SLC46A3: variants seen among roughly 807,000 people sequenced by gnomAD.
SLC46A3 encodes lysosomal proton-coupled steroid conjugate and bile acid symporter SLC46A3.
A neutral mutation model predicts 38.5 loss-of-function variants in SLC46A3; 26 were observed. The observed-to-expected ratio is 0.68, with a 90% confidence interval of 0.49 to 0.94. The LOEUF is 0.94. Among genes scored for constraint, SLC46A3 ranks in the 40% least tolerant of loss-of-function variants. The probability of loss-of-function intolerance (pLI) is 0.00; values close to 1 mark genes in which losing one functional copy is unlikely to be tolerated. For missense variants in SLC46A3, 510 were observed against 544.3 expected, an observed-to-expected ratio of 0.94 and a Z score of 0.63; for synonymous variants, 185 against 192.5, an observed-to-expected ratio of 0.96 and a Z score of 0.32.
intron 4 of SLC46A3, chr13:28,704,314 T>G: frequency 2.0e-6 from 1 of 494,120 alleles, no homozygotes; most frequent in Non-Finnish European, 3.6e-6. Context: ...TCCTTGGACT[T>G]GATGTGAGAG....
intron 3 of SLC46A3, among the ~76,000 whole-genome samples, chr13:28,712,475 A>G (rs1885369414): frequency 6.6e-6 from 1 of 152,198 alleles, no homozygotes; most frequent in South Asian, 2.1e-4. Flanking sequence ...CATTTGGGAA[A>G]TTGTGGTTAT....
At chr13:28,704,411 G>A (rs923937720) in intron 4 of SLC46A3, 8 of 220,906 alleles carry the variant, frequency 3.6e-5, no homozygotes, top group Non-Finnish European at 6.3e-5. Context: ...ATAACTGCAT[G>A]TCTCTCCTCT....
chr13:28,708,787 A>G (rs745771137), intron 4 of SLC46A3, among the ~76,000 whole-genome samples: 10 of 151,492 alleles, frequency 6.6e-5, no homozygotes, highest in Non-Finnish European at 1.3e-4. Context: ...GTCCTTTGAA[A>G]CATAAAAATT....
At chr13:28,708,162 T>C (rs866095233) in intron 4 of SLC46A3, among the ~76,000 whole-genome samples, 63 of 152,328 alleles carry the variant, frequency 4.1e-4, no homozygotes, top group African/African-American at 1.5e-3. Context: ...TGTGGACATA[T>C]GCTTTCACTT....
Position 28,713,039 on chromosome 13 carries a change from C to T in SLC46A3, c.701G>A (p.Cys234Tyr), listed in dbSNP as rs369472886. 25 of 1,612,074 alleles carry T rather than the reference C, an allele frequency of 1.6e-5. No individual in the cohort carries two copies. The African/African-American group carries it at 2.8e-4, about 18-fold the overall frequency. Residue 234 changes from cysteine to tyrosine, a missense_variant, in exon 3 of 6, where the codon TGT (cysteine) becomes TAT (tyrosine). Transcript: ENST00000266943. Reference protein sequence around the residue: ...ECSSQNVTMSCSEGFKNLFYR... With the variant: ...ECSSQNVTMSYSEGFKNLFYR... ...AAATAGGTTTTTGAAGCCTTCACTA[C>T]ATGACATAGTAACATTCTGAGATGA...
chr13:28,712,053 A>C (rs952352083), intron 3 of SLC46A3, among the ~76,000 whole-genome samples: 8 of 152,218 alleles, frequency 5.3e-5, no homozygotes, highest in African/African-American at 1.7e-4. Flanking sequence ...CTTTTATTAG[A>C]GAAAAGAGTA....
At chr13:28,715,431 T>C (rs1451187087) in intron 2 of SLC46A3, among the ~76,000 whole-genome samples, 6 of 152,170 alleles carry the variant, frequency 3.9e-5, no homozygotes, top group Non-Finnish European at 2.9e-5. Flanking sequence ...CTTCCCTCAG[T>C]CCAAGAGGGC....
intron 2 of SLC46A3, among the ~76,000 whole-genome samples, chr13:28,717,063 T>A (rs1360644465): frequency 1.3e-5 from 2 of 152,054 alleles, no homozygotes; most frequent in Non-Finnish European, 2.9e-5. Context: ...TGTCAAAAAC[T>A]GCCCAAGGGA....
intron 5 of SLC46A3, among the ~76,000 whole-genome samples, chr13:28,703,132 A>G (rs1015966526): frequency 6.6e-6 from 1 of 152,214 alleles, no homozygotes; most frequent in Non-Finnish European, 1.5e-5. Context: ...CATTATATGT[A>G]CTATTCATAA....
At position 28,703,974 on chromosome 13, in the gene SLC46A3, C is replaced by T; in HGVS notation, c.1270G>A (p.Gly424Ser). The T allele has an allele frequency of 6.2e-7, 1 of 1,613,478 alleles. No homozygotes were observed. The highest frequency in any genetic ancestry group is 8.5e-7 in the Non-Finnish European group (1 of 1,179,776). Residue 424 changes from glycine (G) to serine (S), a missense_variant, in exon 5 of 6, where the codon GGT becomes AGT. Gly to Ser is a moderately conservative substitution (Grantham distance 56). Coordinates refer to ENST00000266943, the MANE Select transcript of SLC46A3 (RefSeq NM_181785.4). ...YPGFTFLLSA[G>S]LLLLPAISLC... ...CTGATGGCTGGAAGTAGTAACAGACCAGCAGACAGCAGGAAAGTGAAGCCA... is the reference window on the plus strand; with the variant it reads ...CTGATGGCTGGAAGTAGTAACAGACTAGCAGACAGCAGGAAAGTGAAGCCA...
chr13:28,710,232 G>C (rs897859302), intron 4 of SLC46A3, among the ~76,000 whole-genome samples: 1 of 152,106 alleles, frequency 6.6e-6, no homozygotes, highest in Non-Finnish European at 1.5e-5. Flanking sequence ...GCTCAGAAAG[G>C]GTCATTACAG....
At chr13:28,703,904 A>G in intron 5 of SLC46A3, 39 bp downstream of exon 5, 1 of 1,571,456 alleles carries the variant, frequency 6.4e-7, no homozygotes. Flanking sequence ...CACTTAATCC[A>G]TATACCCTCT....
intron 2 of SLC46A3, among the ~76,000 whole-genome samples, chr13:28,717,464 T>G (rs956146292): frequency 6.8e-6 from 1 of 146,330 alleles, no homozygotes; most frequent in Non-Finnish European, 1.5e-5. Flanking sequence ...CATTCCAGCC[T>G]GCCCTGCCCC....
In SLC46A3 at chr13:28,713,246, T is replaced by C. The variant is rs1389175795; in HGVS notation, c.494A>G (p.Lys165Arg). The C allele has an allele frequency of 1.4e-5, 22 of 1,613,916 alleles. No homozygotes were observed. The highest frequency in any genetic ancestry group is 1.9e-5 in the Non-Finnish European group (22 of 1,180,032). ...IVDQCKEHKQ[K>R]TIRIAIIDFL... ...GTCAATGATAGCTATTCGAATTGTT[T>C]TTTGTTTGTGTTCTTTACACTGATC... The change falls in exon 3 of 6, where the codon AAA becomes AGA. Residue 165 changes from lysine (K) to arginine (R), a missense_variant. Lys to Arg is a conservative substitution (Grantham distance 26). Transcript: ENST00000266943.
At chr13:28,717,485 CTTTTTTTTTTT>C (rs56878379) in intron 2 of SLC46A3, among the ~76,000 whole-genome samples, 6 of 126,916 alleles carry the variant, frequency 4.7e-5, no homozygotes, top group Admixed American at 8.1e-5. Context: ...AATTTTCAGA[CTTTTTTTTTTT>C]TTTTTTTTTT....
At chr13:28,707,810 CTG>C (rs1418099757) in intron 4 of SLC46A3, among the ~76,000 whole-genome samples, 1 of 152,134 alleles carries the variant, frequency 6.6e-6, no homozygotes, top group African/African-American at 2.4e-5. Flanking sequence ...CGAAAAGAAA[CTG>C]TATACCCATA....
rs1274393103 is a variant in SLC46A3 at position 28,718,547 on chromosome 13, G to C, written c.-76C>G. On this transcript the variant is annotated 5_prime_UTR_variant, in exon 1 of 6. Coordinates refer to ENST00000266943, the MANE Select transcript of SLC46A3 (RefSeq NM_181785.4). ...CTGGGTACAGGTCGGGCCGTGCCAG[G>C]GGCTGTCGCCTCGGATGCCCTGCGC... is the stretch of plus-strand genomic sequence containing the variant. 1 of 152,438 alleles carries C rather than the reference G, an allele frequency of 6.6e-6. No homozygotes were observed. Among genetic ancestry groups the C allele is most frequent in the African/African-American group, 2.4e-5 (1 of 41,454 alleles). 9.4% of individuals were successfully genotyped at this position (152,438 alleles called of 1,614,324 possible). A position where few individuals can be genotyped will look rare whatever the true frequency, so the allele number is the denominator to read the frequency against.
At position 28,718,559 on chromosome 13, in the gene SLC46A3, C is replaced by T. The variant is rs1160912377; in HGVS notation, c.-88G>A. 1 of 152,440 alleles carries T rather than the reference C, an allele frequency of 6.6e-6. No individual in the cohort carries two copies. The highest frequency in any genetic ancestry group is 2.4e-5 in the African/African-American group (1 of 41,468). 9.4% of individuals were successfully genotyped at this position (152,440 alleles called of 1,614,324 possible). A position where few individuals can be genotyped will look rare whatever the true frequency, so the allele number is the denominator to read the frequency against. ...CGGGCCGTGCCAGGGGCTGTCGCCT[C>T]GGATGCCCTGCGCTCGTGCGCGCCC... On this transcript the variant is annotated 5_prime_UTR_variant, in exon 1 of 6. Transcript: ENST00000266943.
chr13:28,713,490 C>T lies in SLC46A3; in HGVS notation c.250G>A (p.Gly84Ser), dbSNP rs1023334128. ...LQMDISGLIP[G>S]LVSTFILLSI... ...AAAAGTATGAATGTAGACACTAGAC[C>T]AGGAATTAATCCACTTATGTCCATC... Residue 84 changes from glycine (G) to serine (S), a missense_variant, in exon 3 of 6, where the codon GGT (glycine) becomes AGT (serine). Coordinates refer to ENST00000266943, the MANE Select transcript of SLC46A3 (RefSeq NM_181785.4). The T allele has an allele frequency of 9.9e-6, 16 of 1,613,412 alleles. No homozygotes were observed. The Admixed American group carries it at 1.8e-4, about 18-fold the overall frequency.
Sources: allele counts gnomAD v4.1 joint callset (sites outside exome capture counted in the v4.1 genomes callset), GRCh38; gene constraint gnomAD v4.1.1; transcripts MANE v1.5; gene names NCBI Gene and HGNC (gene_info 2026-07-23, HGNC 2026-07-21).